The following GRAMD1B variants were observed in gnomAD, a reference collection of about 807,000 sequenced individuals.
GRAMD1B encodes the protein protein Aster-B.
GRAMD1B carries 37 observed loss-of-function variants against 99.7 expected under a neutral mutation model. That is an observed-to-expected ratio of 0.37 (90% CI 0.29 to 0.49). GRAMD1B has a LOEUF of 0.49. Among genes scored for constraint, GRAMD1B ranks in the 20% least tolerant of loss-of-function variants. The probability of loss-of-function intolerance (pLI) is 0.98; values close to 1 mark genes in which losing one functional copy is unlikely to be tolerated. For synonymous variants in GRAMD1B, 427 were observed against 387.6 expected (o/e 1.10, Z -1.19); for missense variants, 888 against 1,009.2 (o/e 0.88, Z 1.63).
intron 4 of GRAMD1B, 107 bp from the exon 5 acceptor site, chr11:123,593,975 T>G (rs2136549408): frequency 1.3e-6 from 1 of 770,268 alleles, no homozygotes; most frequent in East Asian, 2.6e-5. Context: ...GGGCAGAGCC[T>G]CATCTTTGCT....
At chr11:123,525,173 C>T (rs548183109) in intron 2 of GRAMD1B, among the ~76,000 whole-genome samples, 6 of 152,294 alleles carry the variant, frequency 3.9e-5, no homozygotes, top group African/African-American at 1.2e-4. Context: ...TGCCCTGCCA[C>T]CAGAAGTTGC....
intron 1 of GRAMD1B, among the ~76,000 whole-genome samples, chr11:123,373,617 A>T (rs1202509193): frequency 6.6e-6 from 1 of 152,212 alleles, no homozygotes; most frequent in Admixed American, 6.5e-5. Context: ...TCTTTGAAAG[A>T]AGGAAATCTC....
At chr11:123,424,179 T>C (rs2136050768) in intron 1 of GRAMD1B, among the ~76,000 whole-genome samples, 1 of 149,534 alleles carries the variant, frequency 6.7e-6, no homozygotes, top group South Asian at 2.1e-4. Context: ...TGCTTTTTTC[T>C]CCAATTCAAA....
chr11:123,560,523 T>C, intron 2 of GRAMD1B: 1 of 1,266,518 alleles, frequency 7.9e-7, no homozygotes, highest in Non-Finnish European at 1.0e-6. Flanking sequence ...GGGATGGTCA[T>C]GGAGGTGAGT....
intron 2 of GRAMD1B, among the ~76,000 whole-genome samples, 187 bp downstream of exon 2, chr11:123,481,080 G>A (rs919052229): frequency 3.9e-5 from 6 of 152,142 alleles, no homozygotes; most frequent in South Asian, 4.1e-4. Context: ...AGGAGAAGGA[G>A]CAACACAAAG....
rs1953386491 is a variant in GRAMD1B, at chr11:123,610,448, CTCTTTA to C, written c.1919+112_1919+117del. 1 of 1,031,366 alleles carries C rather than the reference CTCTTTA, an allele frequency of 9.7e-7. No individual in the cohort carries two copies. The highest frequency in any genetic ancestry group is 1.8e-5 in the Admixed American group (1 of 54,308). The allele number at this position is 1,031,366 out of a possible 1,614,324, so 63.9% of individuals were successfully genotyped here. On this transcript the variant is annotated intron_variant, in intron 14 of 19. Transcript: ENST00000635736. This position sits in a 1 kb window ranked among gnomAD's most constrained non-coding sequence, Gnocchi z 4.1. ...GGTGGGGAGTGCTTGGCTGCTGACTCTCTTTATTCTACTTTCTCTCCGAAGCCTTAT... is the reference window on the plus strand; with the variant it reads ...GGTGGGGAGTGCTTGGCTGCTGACTCTTCTACTTTCTCTCCGAAGCCTTAT...
At chr11:123,371,076 AGGCACTTT>A (rs1946512213) in intron 1 of GRAMD1B, among the ~76,000 whole-genome samples, 1 of 151,454 alleles carries the variant, frequency 6.6e-6, no homozygotes, top group African/African-American at 2.4e-5. Context: ...CAGATCTCAG[AGGCACTTT>A]AAGATTCTAG....
chr11:123,611,956 G>T (rs984205103), intron 14 of GRAMD1B, among the ~76,000 whole-genome samples: 7 of 152,194 alleles, frequency 4.6e-5, no homozygotes, highest in Admixed American at 1.3e-4. Context: ...GGAGAGAAAA[G>T]AGCTGATACT....
chr11:123,400,452 G>A (rs964772388), intron 1 of GRAMD1B, among the ~76,000 whole-genome samples: 4 of 152,142 alleles, frequency 2.6e-5, no homozygotes, highest in Non-Finnish European at 5.9e-5. Flanking sequence ...AATTCCCCTT[G>A]GGCAACAAGA....
intron 1 of GRAMD1B, among the ~76,000 whole-genome samples, chr11:123,379,720 T>C (rs1237099449): frequency 6.6e-6 from 1 of 152,260 alleles, no homozygotes; most frequent in Admixed American, 6.5e-5. Flanking sequence ...CTGGGTCATA[T>C]AGTAACTGTA....
At position 123,626,004 on chromosome 11, in the gene GRAMD1B, T is replaced by C. The variant is rs1955497531; in HGVS notation, c.*3409T>C. ...AGATCGAGCTTGATGTATTGCTCAG[T>C]ATTCACTTAGAAGGGTTTCTTTCTC... is the stretch of plus-strand genomic sequence containing the variant. On this transcript the variant is annotated 3_prime_UTR_variant, in exon 20 of 20. Transcript: ENST00000635736. 1 of 149,302 alleles carries C rather than the reference T, an allele frequency of 6.7e-6. No homozygotes were observed. The highest frequency in any genetic ancestry group is 2.2e-4 in the South Asian group (1 of 4,498). The allele number at this position is 149,302 out of a possible 1,614,324, so 9.2% of individuals were successfully genotyped here.
chr11:123,400,904 A>C (rs763123881), intron 1 of GRAMD1B, among the ~76,000 whole-genome samples: 22 of 152,210 alleles, frequency 1.4e-4, no homozygotes, highest in Admixed American at 3.3e-4. Flanking sequence ...TTTATAGATG[A>C]AAAAGCAAAA....
intron 1 of GRAMD1B, among the ~76,000 whole-genome samples, chr11:123,465,767 C>G (rs535374379): frequency 7.9e-6 from 1 of 126,752 alleles, no homozygotes; most frequent in African/African-American, 2.9e-5. Flanking sequence ...GAAACTCCAT[C>G]TCGAAAGAAA....
chr11:123,563,151 G>A (rs554474419), intron 2 of GRAMD1B, among the ~76,000 whole-genome samples: 23 of 152,328 alleles, frequency 1.5e-4, no homozygotes, highest in African/African-American at 5.1e-4. Flanking sequence ...AAAATGTCAC[G>A]TGGAGGAGAA....
rs776005482 is a variant in GRAMD1B, at chr11:123,609,821, G to A, written c.1684G>A (p.Glu562Lys). 5 of 1,599,510 alleles carry A rather than the reference G, an allele frequency of 3.1e-6. No individual in the cohort carries two copies. Among genetic ancestry groups the A allele is most frequent in the Non-Finnish European group, 2.6e-6 (3 of 1,171,272 alleles). ...TATCATCTTCCATCCATGGAAAAAG[G>A]AGGAGAATGGAAACCAGAGCCGAGT... is the stretch of plus-strand genomic sequence containing the variant. The part of the protein sequence containing the change: ...SDIIFHPWKK[E>K]ENGNQSRVIL... Residue 562 changes from glutamate (E) to lysine (K), a missense_variant, in exon 13 of 20, where the codon GAG becomes AAG. This residue lies in a region of GRAMD1B where 92 missense variants were observed against 156.9 expected (regional missense o/e 0.59). Transcript: ENST00000635736.
chr11:123,396,572 A>G (rs967532131), intron 1 of GRAMD1B, among the ~76,000 whole-genome samples: 3 of 152,060 alleles, frequency 2.0e-5, no homozygotes, highest in South Asian at 2.1e-4. Context: ...CACCACTCCC[A>G]GCCCCCATAT....
intron 2 of GRAMD1B, among the ~76,000 whole-genome samples, chr11:123,493,811 A>C (rs953656609): frequency 1.3e-5 from 2 of 152,108 alleles, no homozygotes; most frequent in Admixed American, 6.6e-5. Flanking sequence ...TGTTGTTAAT[A>C]GTGGTGCTGT....
intron 2 of GRAMD1B, among the ~76,000 whole-genome samples, chr11:123,508,551 C>T (rs75010283): frequency 6.6e-6 from 1 of 152,176 alleles, no homozygotes. Flanking sequence ...AAGCCAGACC[C>T]GTGAGCACTG....
chr11:123,375,817 G>A (rs2135757102), intron 1 of GRAMD1B, among the ~76,000 whole-genome samples: 1 of 152,340 alleles, frequency 6.6e-6, no homozygotes, highest in African/African-American at 2.4e-5. Flanking sequence ...TGGGGTAGAT[G>A]AAGAGTCAGT....
Sources: allele counts gnomAD v4.1 joint callset (sites outside exome capture counted in the v4.1 genomes callset), GRCh38; gene constraint gnomAD v4.1.1; regional missense constraint gnomAD v4.1.1; non-coding constraint Gnocchi (gnomAD v3.1); transcripts MANE v1.5; gene names NCBI Gene and HGNC (gene_info 2026-07-23, HGNC 2026-07-21).